The following DMRT1 variants were observed in gnomAD, a reference collection of about 807,000 sequenced individuals.
DMRT1 encodes doublesex and mab-3 related transcription factor 1, also known as doublesex- and mab-3-related transcription factor 1.
Under a neutral mutation model 32.3 loss-of-function variants are expected in DMRT1, and 7 were observed. The observed-to-expected ratio is 0.22, with a 90% CI of 0.12 to 0.41. DMRT1 has a LOEUF of 0.41. Ranked by LOEUF, DMRT1 falls within the 10% of genes least tolerant of loss-of-function variation. The pLI, the probability that DMRT1 is intolerant of heterozygous loss-of-function variation, is 1.00. For missense variants in DMRT1, 625 were observed against 500.5 expected (o/e 1.25, Z -2.37); for synonymous variants, 278 against 206.1 (o/e 1.35, Z -2.99).
intron 3 of DMRT1, among the ~76,000 whole-genome samples, chr9:908,797 T>G (rs186729323): frequency 6.6e-6 from 1 of 152,184 alleles, no homozygotes; most frequent in East Asian, 1.9e-4. Flanking sequence ...TGCCCTGTTG[T>G]GTGAGCGTCC....
rs1299446391 is a variant in DMRT1 at position 965,265 on chromosome 9, C to T, written c.968-2720C>T. On this transcript the variant is annotated intron_variant, in intron 4 of 4. Coordinates refer to ENST00000382276, the MANE Select transcript of DMRT1 (RefSeq NM_021951.3). The surrounding 1 kb of genome is among the most constrained non-coding windows in gnomAD (Gnocchi z 4.5). Reference sequence around the variant, plus strand: ...ACTTCAACAGCCTATTATTTAAAAACAATGCTAAGCCTTGAACAAATGTAA... The same window carrying T: ...ACTTCAACAGCCTATTATTTAAAAATAATGCTAAGCCTTGAACAAATGTAA... Among the ~76,000 whole-genome samples, 1 of 152,148 alleles carries T rather than the reference C, an allele frequency of 6.6e-6. No individual in the cohort carries two copies. The highest frequency in any genetic ancestry group is 2.4e-5 in the African/African-American group (1 of 41,442).
chr9:911,203 A>C (rs956150597), intron 3 of DMRT1, among the ~76,000 whole-genome samples: 1 of 152,118 alleles, frequency 6.6e-6, no homozygotes, highest in Non-Finnish European at 1.5e-5. Flanking sequence ...CCTGACCTTG[A>C]CCACTAGATG....
chr9:866,799 G>C (rs12336182), intron 2 of DMRT1, among the ~76,000 whole-genome samples: 2 of 151,994 alleles, frequency 1.3e-5, no homozygotes, highest in Non-Finnish European at 2.9e-5. Context: ...CTTGATGAGG[G>C]TGGTGTTCAT....
chr9:847,807 G>A (rs1838970024), intron 2 of DMRT1, among the ~76,000 whole-genome samples: 1 of 152,184 alleles, frequency 6.6e-6, no homozygotes, highest in South Asian at 2.1e-4. Flanking sequence ...GTCCGATATC[G>A]AAGCCCCTAG....
At chr9:941,954 G>C (rs182649692) in intron 4 of DMRT1, among the ~76,000 whole-genome samples, 1 of 152,268 alleles carries the variant, frequency 6.6e-6, no homozygotes, top group East Asian at 1.9e-4. Flanking sequence ...TAGGACATCT[G>C]CACTTATATC....
intron 2 of DMRT1, among the ~76,000 whole-genome samples, chr9:883,663 G>A (rs1164795576): frequency 6.6e-6 from 1 of 151,576 alleles, no homozygotes; most frequent in African/African-American, 2.4e-5. Flanking sequence ...ATGGTGGCGT[G>A]CCCCTGTAGT....
intron 2 of DMRT1, among the ~76,000 whole-genome samples, chr9:892,352 C>A (rs961086927): frequency 2.6e-5 from 4 of 152,144 alleles, no homozygotes; most frequent in African/African-American, 9.7e-5. Context: ...GATCTGGCTT[C>A]CAGTCTCAGC....
intron 2 of DMRT1, among the ~76,000 whole-genome samples, chr9:855,114 G>C (rs570150451): frequency 6.6e-6 from 1 of 151,948 alleles, no homozygotes; most frequent in Admixed American, 6.6e-5. Context: ...TCTCAATTTT[G>C]TTTATCTCAG....
At chr9:914,740 T>C (rs1818115599) in intron 3 of DMRT1, among the ~76,000 whole-genome samples, 1 of 152,150 alleles carries the variant, frequency 6.6e-6, no homozygotes, top group Non-Finnish European at 1.5e-5. Flanking sequence ...TCACCTGTAA[T>C]GGTATCTTTG....
intron 3 of DMRT1, among the ~76,000 whole-genome samples, chr9:905,360 C>T (rs894617034): frequency 2.6e-5 from 4 of 152,120 alleles, no homozygotes; most frequent in Admixed American, 2.0e-4. Flanking sequence ...TTCTTTCTGG[C>T]AAGTCCCAGT....
chr9:906,375 T>C (rs534639122), intron 3 of DMRT1, among the ~76,000 whole-genome samples: 1 of 152,338 alleles, frequency 6.6e-6, no homozygotes, highest in Non-Finnish European at 1.5e-5. Context: ...TGATTTATGC[T>C]AAAAGTATCC....
chr9:933,375 G>A (rs888630874), intron 4 of DMRT1, among the ~76,000 whole-genome samples: 1 of 152,204 alleles, frequency 6.6e-6, no homozygotes, highest in Admixed American at 6.5e-5. Context: ...GGAACTCTGT[G>A]CCAGGAACCC....
intron 4 of DMRT1, among the ~76,000 whole-genome samples, chr9:923,099 T>C (rs1818408145): frequency 6.6e-6 from 1 of 152,210 alleles, no homozygotes; most frequent in Admixed American, 6.5e-5. Flanking sequence ...TGACCAGGAC[T>C]GCATGCAAAA....
At chr9:930,338 T>G (rs1054352351) in intron 4 of DMRT1, among the ~76,000 whole-genome samples, 1 of 152,072 alleles carries the variant, frequency 6.6e-6, no homozygotes, top group African/African-American at 2.4e-5. Context: ...GCTCAAGTGA[T>G]CCTCCTGCCT....
chr9:957,935 G>T (rs1052942767), intron 4 of DMRT1, among the ~76,000 whole-genome samples: 2 of 152,164 alleles, frequency 1.3e-5, no homozygotes, highest in Admixed American at 6.5e-5. Flanking sequence ...ACCTGAACCC[G>T]CAGGCGGAGG....
chr9:928,543 A>G (rs1429501415), intron 4 of DMRT1, among the ~76,000 whole-genome samples: 2 of 152,196 alleles, frequency 1.3e-5, no homozygotes, highest in Non-Finnish European at 2.9e-5. Flanking sequence ...GCAGCGAAAG[A>G]AACAATCACA....
At chr9:873,565 C>A (rs935352754) in intron 2 of DMRT1, among the ~76,000 whole-genome samples, 1 of 152,034 alleles carries the variant, frequency 6.6e-6, no homozygotes, top group Non-Finnish European at 1.5e-5. Context: ...GTGATCCACC[C>A]GCCTTGGCCT....
intron 2 of DMRT1, among the ~76,000 whole-genome samples, chr9:862,192 T>C (rs1211971464): frequency 6.6e-6 from 1 of 151,178 alleles, no homozygotes; most frequent in Admixed American, 6.6e-5. Flanking sequence ...ATCACGCCAC[T>C]GCACTCCAGC....
chr9:944,009 C>G (rs1819161903), intron 4 of DMRT1, among the ~76,000 whole-genome samples: 1 of 152,112 alleles, frequency 6.6e-6, no homozygotes. Flanking sequence ...TCTCTCAGAC[C>G]TGGGTCATCA....
Sources: gnomAD v4.1 joint callset for allele counts (sites outside exome capture counted in the v4.1 genomes callset) on GRCh38, gnomAD v4.1.1 for gene constraint, Gnocchi (gnomAD v3.1) non-coding constraint, MANE v1.5 for transcripts, NCBI Gene and HGNC (gene_info 2026-07-23, HGNC 2026-07-21) for gene names.